The following ABCA12 variants were observed in gnomAD, a reference collection of about 807,000 sequenced individuals.
ABCA12 encodes the protein ATP binding cassette subfamily A member 12, also known as glucosylceramide transporter ABCA12.
A neutral mutation model predicts 293.5 loss-of-function variants in ABCA12; 156 were observed. The observed-to-expected ratio is 0.53, with a 90% CI of 0.47 to 0.61. The LOEUF is 0.61. ABCA12 is among the 20% of genes least tolerant of loss of function. The pLI, the probability that ABCA12 is intolerant of heterozygous loss-of-function variation, is 0.00. For synonymous variants in ABCA12, 1,063 were observed against 1,108.0 expected (o/e 0.96, Z 0.81); for missense variants, 2,797 against 3,090.2 (o/e 0.91, Z 2.25).
Position 215,049,775 on chromosome 2 carries a change from T to G in ABCA12, c.544A>C (p.Arg182=). ...KQNSTSEDIR[R]ELCDSYSGYI... is the part of the protein sequence containing the mutation. The stretch of plus-strand genomic sequence containing the variant: ...CCTGAATAGCTGTCACATAGTTCTC[T>G]TCGTATATCTTCTGAAGTTGAATTT... The change falls in exon 6 of 53, where the codon AGA becomes CGA. Residue 182 remains arginine, a synonymous_variant. Transcript: ENST00000272895. 1 of 1,613,458 alleles carries G rather than the reference T, an allele frequency of 6.2e-7. No individual in the cohort carries two copies. The highest frequency in any genetic ancestry group is 1.1e-5 in the South Asian group (1 of 91,070).
At chr2:214,991,480 A>T (rs992733568) in intron 23 of ABCA12, among the ~76,000 whole-genome samples, 3 of 149,014 alleles carry the variant, frequency 2.0e-5, no homozygotes, top group African/African-American at 7.4e-5. Flanking sequence ...AAAATCCATA[A>T]TTTTTTTTTT....
chr2:215,112,356 A>G (rs934580396), intron 1 of ABCA12, among the ~76,000 whole-genome samples: 3 of 121,386 alleles, frequency 2.5e-5, no homozygotes, highest in Non-Finnish European at 5.0e-5. Flanking sequence ...TTTTTTGCCC[A>G]GTTCCCAAAT....
At chr2:215,056,880 G>A (rs1188167953) in intron 3 of ABCA12, among the ~76,000 whole-genome samples, 5 of 152,056 alleles carry the variant, frequency 3.3e-5, no homozygotes, top group Admixed American at 1.3e-4. Flanking sequence ...GCAGGATCAT[G>A]TTTATAGACA....
At chr2:215,021,003 G>A (rs1261114816) in intron 11 of ABCA12, among the ~76,000 whole-genome samples, 1 of 152,150 alleles carries the variant, frequency 6.6e-6, no homozygotes, top group Non-Finnish European at 1.5e-5. Flanking sequence ...GCATATACCT[G>A]CATTCCTGGC....
At chr2:215,103,480 G>A (rs889788838) in intron 2 of ABCA12, among the ~76,000 whole-genome samples, 1 of 151,814 alleles carries the variant, frequency 6.6e-6, no homozygotes, top group African/African-American at 2.4e-5. Context: ...ATGTTGGCCA[G>A]GCTGGTCTCG....
At position 214,986,545 on chromosome 2, in the gene ABCA12, G is replaced by A. The variant is rs778581410; in HGVS notation, c.4160C>T (p.Thr1387Ile). The stretch of plus-strand genomic sequence containing the variant: ...AAATGTCAAAAAGTTAACATACATG[G>A]TAGTAGTTTTCCCAGCTCCATTGGG... ...LGPNGAGKTT[T>I]ISMLTGLFGA... The change falls in exon 28 of 53, where the codon ACC (threonine) becomes ATC (isoleucine). Residue 1387 changes from threonine to isoleucine, a missense_variant. Around this residue, in one of 3 missense-constraint regions of ABCA12, gnomAD observed 2,130 missense variants for 2,427.0 expected, o/e 0.88. Coordinates refer to ENST00000272895, the MANE Select transcript of ABCA12 (RefSeq NM_173076.3). The A allele has an allele frequency of 5.6e-6, 9 of 1,613,816 alleles. No homozygotes were observed. Among genetic ancestry groups the A allele is most frequent in the Admixed American group, 5.0e-5 (3 of 60,006 alleles).
chr2:215,125,607 T>C (rs576969657), intron 1 of ABCA12, among the ~76,000 whole-genome samples: 17 of 152,266 alleles, frequency 1.1e-4, no homozygotes, highest in Admixed American at 9.2e-4. Context: ...TTGGTCGCTG[T>C]TGGTGTAGAG....
chr2:214,954,123 T>A lies in ABCA12; in HGVS notation c.6394-16A>T, dbSNP rs1487593847. On this transcript the variant is annotated splice_polypyrimidine_tract_variant and intron_variant, in intron 43 of 52. Transcript: ENST00000272895. Reference sequence around the variant, plus strand: ...GTTCTAAAGTCTGAAATAAGAGAAATAAAAATAAAACTCAGTGTTAAGTTT... The same window carrying A: ...GTTCTAAAGTCTGAAATAAGAGAAAAAAAAATAAAACTCAGTGTTAAGTTT... 1 of 1,611,632 alleles carries A rather than the reference T, an allele frequency of 6.2e-7. No individual in the cohort carries two copies. Among genetic ancestry groups the A allele is most frequent in the Non-Finnish European group, 8.5e-7 (1 of 1,179,700 alleles).
chr2:215,057,568 C>T (rs1023817959), intron 3 of ABCA12, among the ~76,000 whole-genome samples: 1 of 148,262 alleles, frequency 6.7e-6, no homozygotes, highest in African/African-American at 2.5e-5. Flanking sequence ...CGTGTAACCC[C>T]TTCCTCATTT....
At chr2:215,083,467 T>C (rs1267939842) in intron 2 of ABCA12, among the ~76,000 whole-genome samples, 5 of 152,190 alleles carry the variant, frequency 3.3e-5, no homozygotes, top group African/African-American at 9.7e-5. Flanking sequence ...GAGTGTCCGA[T>C]GGTTTTAGAG....
chr2:215,001,494 G>A (rs1008005589), intron 21 of ABCA12, 64 bp downstream of exon 21: 1 of 1,600,774 alleles, frequency 6.2e-7, no homozygotes, highest in African/African-American at 1.3e-5. Flanking sequence ...TGAAAGACAT[G>A]AGGAAAGAAT....
At chr2:215,063,549 A>AT (rs1701577458) in intron 3 of ABCA12, among the ~76,000 whole-genome samples, 1 of 152,032 alleles carries the variant, frequency 6.6e-6, no homozygotes, top group South Asian at 2.1e-4. Context: ...TAGAACATGC[A>AT]TTAACCTCAT....
At chr2:214,994,656 GT>G (rs982188592) in intron 23 of ABCA12, among the ~76,000 whole-genome samples, 7 of 151,670 alleles carry the variant, frequency 4.6e-5, no homozygotes, top group African/African-American at 1.5e-4. Flanking sequence ...TTATATTATT[GT>G]TTTTTTTAGT....
At chr2:215,083,062 G>A (rs1236421269) in intron 2 of ABCA12, among the ~76,000 whole-genome samples, 2 of 152,308 alleles carry the variant, frequency 1.3e-5, no homozygotes, top group African/African-American at 2.4e-5. Flanking sequence ...TGTGTGAGCT[G>A]AAAGCTGATG....
chr2:215,079,063 G>A (rs781242548), intron 2 of ABCA12, among the ~76,000 whole-genome samples: 83 of 152,094 alleles, frequency 5.5e-4, no homozygotes, highest in Non-Finnish European at 1.1e-3. Context: ...TGTGTCTCAG[G>A]CAGACAGATG....
chr2:214,939,388 A>G lies in ABCA12; in HGVS notation c.7437-1773T>C, dbSNP rs375804213. On this transcript the variant is annotated intron_variant, in intron 50 of 52. Coordinates refer to ENST00000272895, the MANE Select transcript of ABCA12 (RefSeq NM_173076.3). ...TAGCCTTGTGGTATAGTTTGAAGTC[A>G]GGTAGCATGATGCCTCCAGCTTTGT... Among the ~76,000 whole-genome samples the G allele has an allele frequency of 4.6e-5, 7 of 152,294 alleles. No individual in the cohort carries two copies. The East Asian group carries it at 1.4e-3, about 29-fold the overall frequency.
intron 43 of ABCA12, among the ~76,000 whole-genome samples, chr2:214,954,779 T>C (rs10208383): frequency 0.031 from 4,666 of 152,294 alleles, 247 homozygotes; most frequent in African/African-American, 0.11. Flanking sequence ...TAGTCTCCAA[T>C]ACATGATTGA....
chr2:215,071,249 A>G (rs914421425), intron 2 of ABCA12, among the ~76,000 whole-genome samples: 13 of 139,992 alleles, frequency 9.3e-5, no homozygotes, highest in Non-Finnish European at 1.7e-4. Context: ...ATAAAATAAA[A>G]TAAAATAAAA....
chr2:214,956,812 G>T, intron 41 of ABCA12, 34 bp from the exon 42 acceptor site: 6 of 1,414,546 alleles, frequency 4.2e-6, no homozygotes, highest in South Asian at 1.2e-5. Flanking sequence ...TTTAATACGT[G>T]ACAAGCATTT....
Sources: allele counts gnomAD v4.1 joint callset (sites outside exome capture counted in the v4.1 genomes callset), GRCh38; gene constraint gnomAD v4.1.1; regional missense constraint gnomAD v4.1.1; transcripts MANE v1.5; gene names NCBI Gene and HGNC (gene_info 2026-07-23, HGNC 2026-07-21).